Variants in EYS observed in about 807,000 individuals in gnomAD.
The protein encoded by EYS is protein eyes shut homolog.
EYS carries 250 observed loss-of-function variants against 282.1 expected under a neutral mutation model. The observed-to-expected ratio is 0.89, with a 90% CI of 0.80 to 0.98. The LOEUF (loss-of-function observed/expected upper bound fraction) is 0.98, where lower values mean the gene tolerates loss of function less well. Among genes scored for constraint, EYS ranks in the 50% least tolerant of loss-of-function variants. The pLI, the probability that EYS is intolerant of heterozygous loss-of-function variation, is 0.00. For missense variants in EYS, 4,016 were observed against 3,709.0 expected, an observed-to-expected ratio of 1.08 and a Z score of -2.15; for synonymous variants, 1,355 against 1,282.9, an observed-to-expected ratio of 1.06 and a Z score of -1.20.
intron 31 of EYS, among the ~76,000 whole-genome samples, chr6:64,219,837 A>T (rs913696399): frequency 2.6e-5 from 4 of 152,222 alleles, no homozygotes; most frequent in Admixed American, 1.3e-4. Context: ...TACACCATGG[A>T]ACACTATGCA....
At chr6:65,599,368 T>C (rs1188264735) in intron 2 of EYS, among the ~76,000 whole-genome samples, 2 of 152,080 alleles carry the variant, frequency 1.3e-5, no homozygotes, top group African/African-American at 4.8e-5. Context: ...TTTATGTGAG[T>C]TTGGGCCCAC....
intron 35 of EYS, among the ~76,000 whole-genome samples, chr6:63,868,866 T>C (rs1245912376): frequency 6.6e-6 from 1 of 152,238 alleles, no homozygotes; most frequent in African/African-American, 2.4e-5. Flanking sequence ...ACTCTGGCTC[T>C]AGTACTGTAG....
intron 22 of EYS, among the ~76,000 whole-genome samples, chr6:64,729,686 C>A (rs548395022): frequency 5.3e-5 from 8 of 151,782 alleles, no homozygotes. Context: ...TTTTTTTGTC[C>A]GTAAAAGTAA....
chr6:63,796,812 T>G (rs1390971006), intron 37 of EYS, among the ~76,000 whole-genome samples: 1 of 152,182 alleles, frequency 6.6e-6, no homozygotes, highest in Non-Finnish European at 1.5e-5. Context: ...AGGAATAACT[T>G]CAAGTGTTTT....
chr6:65,464,375 A>G (rs1331513813), intron 5 of EYS, among the ~76,000 whole-genome samples: 1 of 152,148 alleles, frequency 6.6e-6, no homozygotes, highest in African/African-American at 2.4e-5. Flanking sequence ...AGCAAATTAC[A>G]CTGTCTGGCT....
chr6:63,882,942 CATGTAGG>C (rs1227054871), intron 35 of EYS, among the ~76,000 whole-genome samples: 1 of 152,150 alleles, frequency 6.6e-6, no homozygotes, highest in African/African-American at 2.4e-5. Context: ...GAGGCTAGAT[CATGTAGG>C]ATGTCTTTGA....
intron 13 of EYS, among the ~76,000 whole-genome samples, chr6:65,038,290 T>C (rs956607024): frequency 6.6e-6 from 1 of 151,506 alleles, no homozygotes; most frequent in Non-Finnish European, 1.5e-5. Flanking sequence ...CACTGTTACT[T>C]GGGGTAACAA....
At chr6:64,511,225 C>CATAT (rs768014031) in intron 26 of EYS, among the ~76,000 whole-genome samples, 1 of 124,802 alleles carries the variant, frequency 8.0e-6, no homozygotes, top group African/African-American at 3.9e-5. Flanking sequence ...TCTCTCTCTA[C>CATAT]ATATATATAT....
intron 28 of EYS, among the ~76,000 whole-genome samples, chr6:64,392,608 T>C (rs1272660734): frequency 1.3e-5 from 2 of 151,300 alleles, no homozygotes; most frequent in African/African-American, 4.9e-5. Flanking sequence ...TACCAGAATC[T>C]CTGGGACGCA....
chr6:64,237,865 G>A (rs1766665264), intron 30 of EYS, among the ~76,000 whole-genome samples: 1 of 152,058 alleles, frequency 6.6e-6, no homozygotes, highest in Non-Finnish European at 1.5e-5. Context: ...GAGGAAATAT[G>A]CAAAATTACT....
At chr6:65,647,500 T>C (rs1320364639) in intron 1 of EYS, among the ~76,000 whole-genome samples, 1 of 152,164 alleles carries the variant, frequency 6.6e-6, no homozygotes, top group South Asian at 2.1e-4. Context: ...TCTCTCACCT[T>C]ATATAAAAAT....
chr6:64,682,516 A>G (rs1273182135), intron 22 of EYS, among the ~76,000 whole-genome samples: 1 of 152,160 alleles, frequency 6.6e-6, no homozygotes, highest in Non-Finnish European at 1.5e-5. Flanking sequence ...GGGCATGTTC[A>G]TTAAGAGACA....
intron 1 of EYS, among the ~76,000 whole-genome samples, chr6:65,700,803 C>T (rs1206098422): frequency 6.6e-6 from 1 of 152,118 alleles, no homozygotes; most frequent in Non-Finnish European, 1.5e-5. Context: ...ATGTGTTTGC[C>T]GTACGTTCTT....
chr6:65,497,031 A>G (rs1009671995), intron 2 of EYS, among the ~76,000 whole-genome samples: 1 of 152,080 alleles, frequency 6.6e-6, no homozygotes, highest in African/African-American at 2.4e-5. Flanking sequence ...ATATAGAAAG[A>G]TAAAATACAA....
At chr6:65,021,573 TTCTG>T (rs1772254645) in intron 13 of EYS, among the ~76,000 whole-genome samples, 1 of 152,224 alleles carries the variant, frequency 6.6e-6, no homozygotes, top group Non-Finnish European at 1.5e-5. Flanking sequence ...TCCCACATTT[TTCTG>T]TCTTTTTCTG....
At chr6:65,634,348 T>C (rs1399166079) in intron 2 of EYS, among the ~76,000 whole-genome samples, 1 of 152,182 alleles carries the variant, frequency 6.6e-6, no homozygotes, top group Non-Finnish European at 1.5e-5. Flanking sequence ...AAAAAAATTA[T>C]AATGGATGCA....
chr6:64,935,067 C>T lies in EYS; in HGVS notation c.2381+10726G>A, dbSNP rs547604960. ...TTTGCACAGTGTTAAAAATAAGTTG[C>T]TATTAATGCTGTGTAATTGCTTTAT... On this transcript the variant is annotated intron_variant, in intron 15 of 42. Transcript: ENST00000503581. Among the ~76,000 whole-genome samples, 7 of 151,768 alleles carry T rather than the reference C, an allele frequency of 4.6e-5. No individual in the cohort carries two copies. The South Asian group carries it at 1.5e-3, about 31-fold the overall frequency.
At chr6:64,192,103 G>GT (rs1765132220) in intron 31 of EYS, among the ~76,000 whole-genome samples, 1 of 140,224 alleles carries the variant, frequency 7.1e-6, no homozygotes, top group Non-Finnish European at 1.6e-5. Flanking sequence ...TTTTTCATGT[G>GT]TTTTTTGGTT....
At chr6:63,727,706 C>CAAAAAAAA in intron 41 of EYS, among the ~76,000 whole-genome samples, 9 of 9,524 alleles carry the variant, frequency 9.4e-4, no homozygotes, top group South Asian at 3.9e-3. Flanking sequence ...CACCATCTCT[C>CAAAAAAAA]AAAAAAAAAA....
Sources: allele counts gnomAD v4.1 joint callset (sites outside exome capture counted in the v4.1 genomes callset), GRCh38; gene constraint gnomAD v4.1.1; transcripts MANE v1.5; gene names NCBI Gene and HGNC (gene_info 2026-07-23, HGNC 2026-07-21).